XRCC4: variants seen among roughly 807,000 people sequenced by gnomAD.
XRCC4 encodes the protein DNA repair protein XRCC4.
In XRCC4, 28 loss-of-function variants were observed where a neutral mutation model predicts 39.1. The ratio of observed to expected loss-of-function variants is 0.72; its 90% confidence interval spans 0.53 to 0.98. The LOEUF (loss-of-function observed/expected upper bound fraction) is 0.98. Ranked by LOEUF, XRCC4 falls within the 50% of genes least tolerant of loss-of-function variation. XRCC4 has a pLI of 0.00. For synonymous variants in XRCC4, 123 were observed against 126.4 expected, an observed-to-expected ratio of 0.97 and a Z score of 0.18; for missense variants, 350 against 376.4, an observed-to-expected ratio of 0.93 and a Z score of 0.58.
chr5:83,121,528 A>T (rs1440087384), intron 3 of XRCC4, among the ~76,000 whole-genome samples: 1 of 152,136 alleles, frequency 6.6e-6, no homozygotes. Flanking sequence ...ATGTCTAATG[A>T]TATTATTTGC....
At chr5:83,211,160 C>G (rs1244480911) in intron 6 of XRCC4, among the ~76,000 whole-genome samples, 2 of 152,174 alleles carry the variant, frequency 1.3e-5, no homozygotes, top group African/African-American at 4.8e-5. Context: ...TCTTGAAAAA[C>G]TGCTGAAGTT....
intron 3 of XRCC4, among the ~76,000 whole-genome samples, chr5:83,179,345 T>G (rs566331964): frequency 6.6e-6 from 1 of 152,192 alleles, no homozygotes; most frequent in Non-Finnish European, 1.5e-5. Context: ...CATGTCTCTC[T>G]TTTTTAAATA....
intron 1 of XRCC4, among the ~76,000 whole-genome samples, chr5:83,079,071 C>A (rs1346737630): frequency 1.3e-5 from 2 of 152,200 alleles, no homozygotes; most frequent in Non-Finnish European, 2.9e-5. Context: ...GGTAATACTT[C>A]TGTATGAAGC....
chr5:83,088,312 T>A (rs1745272301), intron 1 of XRCC4, among the ~76,000 whole-genome samples: 1 of 152,236 alleles, frequency 6.6e-6, no homozygotes, highest in Admixed American at 6.5e-5. Context: ...TATTGTCATG[T>A]TCTCCTAAGT....
intron 3 of XRCC4, among the ~76,000 whole-genome samples, chr5:83,141,947 A>C (rs1031594194): frequency 6.6e-6 from 1 of 152,094 alleles, no homozygotes; most frequent in Admixed American, 6.5e-5. Context: ...TATTCTCTCT[A>C]TATCTTTTAC....
intron 7 of XRCC4, among the ~76,000 whole-genome samples, chr5:83,293,820 GA>G (rs1377428733): frequency 6.6e-6 from 1 of 151,920 alleles, no homozygotes. Flanking sequence ...GATCCTATAA[GA>G]AAAAGAATAT....
At chr5:83,085,001 A>C (rs1011400957) in intron 1 of XRCC4, among the ~76,000 whole-genome samples, 1 of 152,220 alleles carries the variant, frequency 6.6e-6, no homozygotes, top group Non-Finnish European at 1.5e-5. Context: ...GTAATCAAAA[A>C]CAAATATTAC....
In XRCC4 at chr5:83,104,900, C is replaced by G; in HGVS notation, c.-10-10C>G. 6.2e-7 allele frequency: 1 copy of G among 1,608,412 alleles called. No homozygotes were observed. Among genetic ancestry groups the G allele is most frequent in the South Asian group, 1.1e-5 (1 of 90,854 alleles). On this transcript the variant is annotated splice_polypyrimidine_tract_variant and intron_variant, in intron 1 of 7. Transcript: ENST00000396027. ...CTTTTAAAAATATTAATTGTATTCT[C>G]CCATTACAGGTATTAAGAAATGGAG...
intron 5 of XRCC4, among the ~76,000 whole-genome samples, chr5:83,204,410 A>G (rs1751338707): frequency 6.6e-6 from 1 of 152,134 alleles, no homozygotes; most frequent in South Asian, 2.1e-4. Context: ...AAGTCACTTT[A>G]TCTTCATAAT....
chr5:83,189,574 A>T (rs1293850384), intron 3 of XRCC4, among the ~76,000 whole-genome samples: 2 of 152,196 alleles, frequency 1.3e-5, no homozygotes, highest in Non-Finnish European at 2.9e-5. Flanking sequence ...AATTTGGGCA[A>T]TAATATGTTG....
intron 6 of XRCC4, among the ~76,000 whole-genome samples, chr5:83,251,056 A>G (rs1397482344): frequency 1.3e-5 from 2 of 152,190 alleles, no homozygotes; most frequent in Non-Finnish European, 2.9e-5. Context: ...TCTTCTGGAT[A>G]GTGCCAGAGT....
At chr5:83,222,786 C>T (rs1300621316) in intron 6 of XRCC4, among the ~76,000 whole-genome samples, 1 of 151,870 alleles carries the variant, frequency 6.6e-6, no homozygotes, top group Non-Finnish European at 1.5e-5. Context: ...CTCACTTTAC[C>T]ACCCAGGCTT....
At chr5:83,160,667 T>C (rs1281112980) in intron 3 of XRCC4, among the ~76,000 whole-genome samples, 1 of 152,200 alleles carries the variant, frequency 6.6e-6, no homozygotes, top group Non-Finnish European at 1.5e-5. Flanking sequence ...TTAAGTAGCA[T>C]GTTCATGTAG....
chr5:83,240,961 C>T (rs1185025062), intron 6 of XRCC4, among the ~76,000 whole-genome samples: 1 of 152,088 alleles, frequency 6.6e-6, no homozygotes, highest in Non-Finnish European at 1.5e-5. Flanking sequence ...CAGGGCCAGG[C>T]GCGGTGGCTC....
At chr5:83,340,628 A>C (rs1177807139) in intron 7 of XRCC4, among the ~76,000 whole-genome samples, 5 of 152,050 alleles carry the variant, frequency 3.3e-5, no homozygotes, top group East Asian at 3.9e-4. Flanking sequence ...TAAAAAAAAA[A>C]AACAACAAAA....
intron 3 of XRCC4, among the ~76,000 whole-genome samples, chr5:83,116,613 T>TTGTTTG (rs1561337485): frequency 1.8e-5 from 1 of 55,878 alleles, no homozygotes. Flanking sequence ...TCTCTCTTTT[T>TTGTTTG]TTTTTTTTTT....
At chr5:83,148,442 A>G (rs1379114100) in intron 3 of XRCC4, among the ~76,000 whole-genome samples, 1 of 152,160 alleles carries the variant, frequency 6.6e-6, no homozygotes, top group Non-Finnish European at 1.5e-5. Context: ...GAGGGGATGA[A>G]TCAACTCAGT....
chr5:83,174,296 G>C (rs1260268512), intron 3 of XRCC4, among the ~76,000 whole-genome samples: 2 of 152,040 alleles, frequency 1.3e-5, no homozygotes, highest in Non-Finnish European at 2.9e-5. Flanking sequence ...ATAAATCTTT[G>C]ATCTGGCCTT....
rs186142594 is a variant in XRCC4 at position 83,135,744 on chromosome 5, T to C, written c.315+24541T>C. On this transcript the variant is annotated intron_variant, in intron 3 of 7. Transcript: ENST00000396027. ...GTTTTTTTCATCTCAGGCATGGTGA[T>C]TTTTATCTTTCTAAGTCTTTTAAAA... Among the ~76,000 whole-genome samples the C allele has an allele frequency of 1.1e-4, 17 of 152,288 alleles. 1 individual carries two copies. Among genetic ancestry groups the C allele is most frequent in the Admixed American group, 6.5e-5 (1 of 15,302 alleles).
Sources: allele counts gnomAD v4.1 joint callset (sites outside exome capture counted in the v4.1 genomes callset), GRCh38; gene constraint gnomAD v4.1.1; transcripts MANE v1.5; gene names NCBI Gene and HGNC (gene_info 2026-07-23, HGNC 2026-07-21).